The following CDKL4 variants were observed in gnomAD, a reference collection of about 807,000 sequenced individuals.
The protein encoded by CDKL4 is cyclin dependent kinase like 4.
In CDKL4, 44 loss-of-function variants were observed where a neutral mutation model predicts 42.0. That is an observed-to-expected ratio of 1.05 (90% CI 0.82 to 1.35). The LOEUF (loss-of-function observed/expected upper bound fraction) is 1.35, where lower values mean the gene tolerates loss of function less well. CDKL4 is among the 40% of genes most tolerant of loss of function. CDKL4 has a pLI of 0.00. For missense variants in CDKL4, 393 were observed against 369.9 expected (o/e 1.06, Z -0.51); for synonymous variants, 120 against 121.6 (o/e 0.99, Z 0.09).
chr2:39,172,320 G>GAA (rs112274317), downstream of CDKL4, among the ~76,000 whole-genome samples: 1 of 132,204 alleles, frequency 7.6e-6, no homozygotes, highest in African/African-American at 2.8e-5. Context: ...TCCCCGCTCC[G>GAA]AAAAAAAAAA....
intron 6 of CDKL4, among the ~76,000 whole-genome samples, chr2:39,189,983 G>A (rs1676078429): frequency 6.6e-6 from 1 of 152,172 alleles, no homozygotes; most frequent in African/African-American, 2.4e-5. Flanking sequence ...AAATATCTTA[G>A]ATTAAGCTCT....
At chr2:39,178,357 C>T (rs985779568) in intron 9 of CDKL4, among the ~76,000 whole-genome samples, 6 of 152,144 alleles carry the variant, frequency 3.9e-5, no homozygotes, top group Admixed American at 2.6e-4. Context: ...ATTAAGCAAA[C>T]GCAAACTGTG....
At chr2:39,168,946 G>A in the CDKL4 span, among the ~76,000 whole-genome samples, 1 of 151,894 alleles carries the variant, frequency 6.6e-6, no homozygotes, top group South Asian at 2.1e-4. Context: ...TAGTAAAGAC[G>A]GGGTTTCACC....
intron 4 of CDKL4, among the ~76,000 whole-genome samples, chr2:39,212,235 T>C (rs905758364): frequency 3.8e-4 from 47 of 123,908 alleles, no homozygotes; most frequent in African/African-American, 1.6e-3. Context: ...AATTAATGAA[T>C]TTTTTTTTTT....
intron 5 of CDKL4, 101 bp downstream of exon 5, chr2:39,204,426 A>G (rs1480539206): frequency 4.0e-6 from 3 of 750,182 alleles, no homozygotes; most frequent in Non-Finnish European, 7.0e-6. Flanking sequence ...AATAACAACA[A>G]TACAATATTT....
At chr2:39,220,703 G>A (rs925993853) in intron 3 of CDKL4, among the ~76,000 whole-genome samples, 2 of 151,736 alleles carry the variant, frequency 1.3e-5, no homozygotes, top group African/African-American at 4.8e-5. Flanking sequence ...TTCTGTCTCA[G>A]CCTCCCGAGT....
At chr2:39,237,055 C>A (rs1178819680) in intron 1 of CDKL4, among the ~76,000 whole-genome samples, 3 of 152,028 alleles carry the variant, frequency 2.0e-5, no homozygotes, top group Admixed American at 2.0e-4. Flanking sequence ...CCAATATCAC[C>A]CTGATAGAAG....
At chr2:39,246,994 C>T (rs1012229327), upstream of CDKL4, among the ~76,000 whole-genome samples, 1 of 152,198 alleles carries the variant, frequency 6.6e-6, no homozygotes, top group African/African-American at 2.4e-5. Context: ...ATTCTCCCAC[C>T]TCAGCCTCCC....
chr2:39,178,825 C>T (rs1675276964), intron 9 of CDKL4: 10 of 1,530,936 alleles, frequency 6.5e-6, no homozygotes, highest in Non-Finnish European at 8.8e-6. Context: ...CAGAAAGGCA[C>T]TTGGATTCCT....
At chr2:39,171,056 G>C (rs1019933556), downstream of CDKL4, among the ~76,000 whole-genome samples, 1 of 151,782 alleles carries the variant, frequency 6.6e-6, no homozygotes, top group African/African-American at 2.4e-5. Flanking sequence ...CTGGCCAACA[G>C]GATGAAACCC....
chr2:39,232,588 G>C (rs948953155), intron 1 of CDKL4, among the ~76,000 whole-genome samples: 1 of 152,166 alleles, frequency 6.6e-6, no homozygotes. Context: ...AGGTACATGT[G>C]GTGGGGGGCT....
At chr2:39,179,575 C>T (rs1489935405) in intron 8 of CDKL4, among the ~76,000 whole-genome samples, 4 of 152,244 alleles carry the variant, frequency 2.6e-5, no homozygotes, top group Non-Finnish European at 5.9e-5. Context: ...GTGTTCCCAC[C>T]AATGACATTT....
At chr2:39,232,666 A>G (rs1679142103) in intron 1 of CDKL4, among the ~76,000 whole-genome samples, 1 of 152,186 alleles carries the variant, frequency 6.6e-6, no homozygotes, top group Admixed American at 6.5e-5. Context: ...ACAAAGCAAT[A>G]CAAATCAACC....
At chr2:39,184,536 A>G in intron 8 of CDKL4, 55 bp downstream of exon 8, 2 of 1,284,626 alleles carry the variant, frequency 1.6e-6, no homozygotes, top group Non-Finnish European at 2.2e-6. Flanking sequence ...TCAAATTACC[A>G]GCTTCAGTCA....
At chr2:39,173,677 G>T (rs1038368775), downstream of CDKL4, among the ~76,000 whole-genome samples, 10 of 152,040 alleles carry the variant, frequency 6.6e-5, no homozygotes, top group Non-Finnish European at 1.2e-4. Flanking sequence ...GGGCGTGGTG[G>T]TGGGCGCCTG....
rs145186690 is a variant in CDKL4, at chr2:39,219,332, C to T, written c.291-5860G>A. Among the ~76,000 whole-genome samples, 579 of 152,196 alleles carry T rather than the reference C, an allele frequency of 3.8e-3. 2 individuals are homozygous for T. Among genetic ancestry groups the T allele is most frequent in the Non-Finnish European group, 6.1e-3 (416 of 68,020 alleles). ...GATTGGATATCTGATGTAATGAGGA[C>T]GGAAGGGCAGCATCTAATTACCATT... On this transcript the variant is annotated intron_variant, in intron 3 of 9. Coordinates refer to ENST00000451199, the Ensembl canonical transcript of CDKL4.
At chr2:39,190,381 T>C (rs773596306) in exon 6 of CDKL4, 1 of 1,614,144 alleles carries the variant, frequency 6.2e-7, no homozygotes, top group Admixed American at 1.7e-5. Flanking sequence ...TCAGGAGCTC[T>C]GCAAAAACAC....
chr2:39,188,475 T>G (rs1675963578), intron 6 of CDKL4, among the ~76,000 whole-genome samples: 1 of 134,700 alleles, frequency 7.4e-6, no homozygotes, highest in Non-Finnish European at 1.5e-5. Flanking sequence ...GGCAGGAGAA[T>G]CGCTTGAATT....
chr2:39,173,548 G>A (rs766844102), downstream of CDKL4, among the ~76,000 whole-genome samples: 5 of 151,900 alleles, frequency 3.3e-5, no homozygotes, highest in African/African-American at 1.2e-4. Flanking sequence ...GGTGGCTCAC[G>A]CCTGTAATCC....
Sources: allele counts gnomAD v4.1 joint callset (sites outside exome capture counted in the v4.1 genomes callset), GRCh38; gene constraint gnomAD v4.1.1; transcripts MANE v1.5; gene names NCBI Gene and HGNC (gene_info 2026-07-23, HGNC 2026-07-21).